The following DPH5 variants were observed in gnomAD, a reference collection of about 807,000 sequenced individuals.
DPH5 encodes the protein diphthamide biosynthesis 5.
DPH5 carries 31 observed loss-of-function variants against 31.6 expected under a neutral mutation model. The observed-to-expected ratio is 0.98, with a 90% CI of 0.74 to 1.32. The LOEUF is 1.32. Among genes scored for constraint, DPH5 ranks in the 40% most tolerant of loss-of-function variants. The probability of loss-of-function intolerance (pLI) is 0.00; values close to 1 mark genes in which losing one functional copy is unlikely to be tolerated. For synonymous variants in DPH5, 120 were observed against 115.0 expected (o/e 1.04, Z -0.28); for missense variants, 309 against 335.7 (o/e 0.92, Z 0.62).
intron 5 of DPH5, among the ~76,000 whole-genome samples, chr1:101,000,475 CA>C (rs1333627552): frequency 1.3e-5 from 2 of 152,160 alleles, no homozygotes; most frequent in Non-Finnish European, 2.9e-5. Context: ...ACAACCCAAC[CA>C]TGGTTCTTTA....
chr1:100,999,163 C>T (rs1026095771), intron 5 of DPH5, among the ~76,000 whole-genome samples: 1 of 152,188 alleles, frequency 6.6e-6, no homozygotes, highest in African/African-American at 2.4e-5. Flanking sequence ...TCTATTAAGA[C>T]ATACAGCCAG....
At chr1:101,014,369 ATTT>A (rs1659915772) in intron 3 of DPH5, among the ~76,000 whole-genome samples, 1 of 152,158 alleles carries the variant, frequency 6.6e-6, no homozygotes, top group African/African-American at 2.4e-5. Flanking sequence ...AGCCACATTA[ATTT>A]TTTTGGTTTC....
intron 4 of DPH5, among the ~76,000 whole-genome samples, chr1:101,002,858 C>G (rs1186120576): frequency 6.6e-6 from 1 of 152,096 alleles, no homozygotes; most frequent in African/African-American, 2.4e-5. Context: ...AGGAAGGAAA[C>G]AGAGAAGGTG....
intron 5 of DPH5, among the ~76,000 whole-genome samples, 169 bp from the exon 6 acceptor site, chr1:100,995,318 T>A (rs774723122): frequency 4.6e-5 from 7 of 152,236 alleles, no homozygotes; most frequent in Admixed American, 6.5e-5. Flanking sequence ...CTTGTGGTTG[T>A]GCCACTAGTT....
chr1:101,021,869 G>A (rs1660485898), intron 2 of DPH5, 104 bp from the exon 3 acceptor site: 3 of 1,192,332 alleles, frequency 2.5e-6, no homozygotes, highest in Admixed American at 2.5e-5. Context: ...CTCTTTGTTT[G>A]GGACTGGTGC....
At chr1:101,015,929 T>G (rs1166901492) in intron 3 of DPH5, among the ~76,000 whole-genome samples, 2 of 152,218 alleles carry the variant, frequency 1.3e-5, no homozygotes, top group Admixed American at 1.3e-4. Context: ...GATTAGACTT[T>G]AGCTTAAGGG....
intron 7 of DPH5, 30 bp from the exon 8 acceptor site, chr1:100,990,661 A>T: frequency 6.3e-6 from 10 of 1,596,152 alleles, no homozygotes; most frequent in African/African-American, 1.3e-5. Flanking sequence ...CTGCTATTCA[A>T]TTCAGCAAAT....
rs1570719405 is a variant in DPH5 at position 101,025,670 on chromosome 1, A to G, written c.-24+13T>C. On this transcript the variant is annotated intron_variant, in intron 1 of 7. Coordinates refer to ENST00000370109, the MANE Select transcript of DPH5 (RefSeq NM_015958.3). ...TTGCCTCTTGTTACACAAACCTAGG[A>G]GCAGCCAATTACCCGCTGAGAGAAT... is the stretch of plus-strand genomic sequence containing the variant. 1.3e-5 allele frequency: 7 copies of G among 548,318 alleles called. No homozygotes were observed. The East Asian group carries it at 2.2e-4, about 17-fold the overall frequency. The allele number at this position is 548,318 out of a possible 1,614,324, so 34.0% of individuals were successfully genotyped here.
rs1369642418 is a variant in DPH5 at position 101,025,398 on chromosome 1, T to C, written c.46A>G (p.Thr16Ala). 1.2e-5 allele frequency: 19 copies of C among 1,614,074 alleles called. No homozygotes were observed. Among genetic ancestry groups the C allele is most frequent in the Non-Finnish European group, 1.6e-5 (19 of 1,180,038 alleles). ...GLGLGDAKDI[T>A]VKGLEVVRRC... The stretch of plus-strand genomic sequence containing the variant: ...CTAACAACTTCCAGGCCCTTGACTG[T>C]GATGTCCTTGGCATCTCCCAGGCCC... The change falls in exon 2 of 8, where the codon ACA becomes GCA. Residue 16 changes from threonine to alanine, a missense_variant. Coordinates refer to ENST00000370109, the MANE Select transcript of DPH5 (RefSeq NM_015958.3).
intron 4 of DPH5, among the ~76,000 whole-genome samples, chr1:101,002,643 C>CT: frequency 6.6e-6 from 1 of 152,248 alleles, no homozygotes; most frequent in Admixed American, 6.5e-5. Context: ...AAGCACTAGA[C>CT]TCACATCTAG....
At position 101,006,542 on chromosome 1, in the gene DPH5, A is replaced by T. The variant is rs369699447; in HGVS notation, c.370-4955T>A. Among the ~76,000 whole-genome samples, 11 of 152,300 alleles carry T rather than the reference A, an allele frequency of 7.2e-5. No individual in the cohort carries two copies. The South Asian group carries it at 2.3e-3, about 32-fold the overall frequency. ...TATTTTCTTCTAAGACCACGGAAGGATATAGAACTCTAGATGATAAAATCT... is the reference window on the plus strand; with the variant it reads ...TATTTTCTTCTAAGACCACGGAAGGTTATAGAACTCTAGATGATAAAATCT... On this transcript the variant is annotated intron_variant, in intron 4 of 7. Coordinates refer to ENST00000370109, the MANE Select transcript of DPH5 (RefSeq NM_015958.3).
At chr1:100,995,626 G>A (rs1658280205) in intron 5 of DPH5, 1 of 155,898 alleles carries the variant, frequency 6.4e-6, no homozygotes, top group African/African-American at 2.4e-5. Flanking sequence ...AAGTATTCAT[G>A]CTTTTAACAG....
intron 4 of DPH5, among the ~76,000 whole-genome samples, chr1:101,007,639 C>T (rs372812558): frequency 6.6e-6 from 1 of 151,530 alleles, no homozygotes; most frequent in Admixed American, 6.6e-5. Context: ...GGCATGAACC[C>T]GGGAGGTGGA....
chr1:101,012,319 T>C (rs1286342959), intron 4 of DPH5, among the ~76,000 whole-genome samples: 3 of 152,326 alleles, frequency 2.0e-5, no homozygotes, highest in East Asian at 3.9e-4. Context: ...GCCATGGTTT[T>C]TAGTTTCTGT....
chr1:101,013,631 A>C, intron 4 of DPH5, 79 bp downstream of exon 4: 2 of 998,004 alleles, frequency 2.0e-6, no homozygotes, highest in South Asian at 3.3e-5. Flanking sequence ...CATAAAATAC[A>C]ATTAAATGTA....
chr1:101,013,920 G>A, intron 3 of DPH5, 102 bp from the exon 4 acceptor site: 1 of 848,492 alleles, frequency 1.2e-6, no homozygotes, highest in Non-Finnish European at 1.8e-6. Flanking sequence ...CAGGAGCACT[G>A]CCTTTCTTCA....
intron 4 of DPH5, among the ~76,000 whole-genome samples, chr1:101,004,861 G>A (rs928255360): frequency 6.6e-6 from 1 of 152,188 alleles, no homozygotes; most frequent in Admixed American, 6.5e-5. Flanking sequence ...TAACAGAGGC[G>A]GGAAGTCTTG....
chr1:101,014,862 C>T (rs1659955673), intron 3 of DPH5, among the ~76,000 whole-genome samples: 1 of 152,204 alleles, frequency 6.6e-6, no homozygotes, highest in African/African-American at 2.4e-5. Flanking sequence ...GATTTCATCT[C>T]ATGAAACCAC....
intron 4 of DPH5, among the ~76,000 whole-genome samples, chr1:101,012,377 C>T (rs920351810): frequency 6.6e-6 from 1 of 152,124 alleles, no homozygotes; most frequent in Non-Finnish European, 1.5e-5. Flanking sequence ...CTTTACTGGC[C>T]GAACCAGCAA....
Sources: allele counts gnomAD v4.1 joint callset (sites outside exome capture counted in the v4.1 genomes callset), GRCh38; gene constraint gnomAD v4.1.1; transcripts MANE v1.5; gene names NCBI Gene and HGNC (gene_info 2026-07-23, HGNC 2026-07-21).